Variants in TET2 observed in about 807,000 individuals in gnomAD.
TET2 encodes methylcytosine dioxygenase TET2.
Under a neutral mutation model 142.9 loss-of-function variants are expected in TET2, and 299 were observed. That is an observed-to-expected ratio of 2.09 (90% CI 1.90 to 2.30). TET2 has a LOEUF of 2.30. TET2 is among the 30% of genes most tolerant of loss of function. The probability of loss-of-function intolerance (pLI) is 0.00; values close to 1 mark genes in which losing one functional copy is unlikely to be tolerated. For missense variants in TET2, 2,418 were observed against 2,378.0 expected (o/e 1.02, Z -0.35); for synonymous variants, 819 against 849.0 (o/e 0.96, Z 0.61).
intron 1 of TET2, chr4:105,177,903 A>C (rs924789754): frequency 6.6e-6 from 1 of 152,146 alleles, no homozygotes; most frequent in Non-Finnish European, 1.5e-5. Flanking sequence ...GTGAAATCCC[A>C]TGGTGAAACC....
At chr4:105,263,608 G>T (rs1190190728) in intron 8 of TET2, among the ~76,000 whole-genome samples, 1 of 152,152 alleles carries the variant, frequency 6.6e-6, no homozygotes, top group Admixed American at 6.6e-5. Flanking sequence ...TTTTGGACAT[G>T]CTAGGCTTCT....
chr4:105,222,373 CTTG>C (rs1727889272), intron 2 of TET2, among the ~76,000 whole-genome samples: 1 of 152,218 alleles, frequency 6.6e-6, no homozygotes, highest in Non-Finnish European at 1.5e-5. Flanking sequence ...CTCTCCAGCA[CTTG>C]TTGTGTCCTC....
intron 1 of TET2, among the ~76,000 whole-genome samples, chr4:105,166,803 G>A (rs943194013): frequency 2.0e-5 from 3 of 152,000 alleles, no homozygotes. Context: ...TTGCTTATGA[G>A]ATAGATATCT....
chr4:105,224,758 G>C (rs567070735), intron 2 of TET2, among the ~76,000 whole-genome samples: 4 of 139,434 alleles, frequency 2.9e-5, no homozygotes, highest in African/African-American at 8.1e-5. Flanking sequence ...TTATTCTGGG[G>C]CATTAGCTGA....
intron 6 of TET2, among the ~76,000 whole-genome samples, chr4:105,252,754 T>A (rs1729934833): frequency 6.6e-6 from 1 of 152,178 alleles, no homozygotes; most frequent in South Asian, 2.1e-4. Context: ...CTTCCAGAAA[T>A]TTTATAGTTC....
At chr4:105,199,101 C>T (rs1179993126) in intron 2 of TET2, among the ~76,000 whole-genome samples, 1 of 152,122 alleles carries the variant, frequency 6.6e-6, no homozygotes, top group Non-Finnish European at 1.5e-5. Flanking sequence ...AGTTTGAGAG[C>T]AAGTTGAGCA....
intron 4 of TET2, chr4:105,241,689 T>C: frequency 1.6e-6 from 2 of 1,272,838 alleles, no homozygotes; most frequent in Non-Finnish European, 2.0e-6. Flanking sequence ...TGAACAGGAA[T>C]CGGCCAGCCA....
intron 6 of TET2, among the ~76,000 whole-genome samples, chr4:105,253,081 T>G (rs563915438): frequency 6.6e-6 from 1 of 152,170 alleles, no homozygotes; most frequent in Non-Finnish European, 1.5e-5. Flanking sequence ...CCTCTGACAT[T>G]GTTTTTCTCC....
At chr4:105,188,360 G>A (rs1725583356) in intron 1 of TET2, among the ~76,000 whole-genome samples, 1 of 152,182 alleles carries the variant, frequency 6.6e-6, no homozygotes, top group Non-Finnish European at 1.5e-5. Flanking sequence ...GCCAGGGGCT[G>A]GGAGGAGGAG....
At chr4:105,148,382 C>T (rs1410784731) in intron 1 of TET2, among the ~76,000 whole-genome samples, 2 of 152,040 alleles carry the variant, frequency 1.3e-5, no homozygotes, top group African/African-American at 2.4e-5. Flanking sequence ...TATATATTTA[C>T]GTGTCTAGGG....
chr4:105,261,885 CTTACTTG>C, intron 8 of TET2, 37 bp downstream of exon 8: 1 of 1,244,422 alleles, frequency 8.0e-7, no homozygotes, highest in South Asian at 1.4e-5. Context: ...ATTGTAACAA[CTTACTTG>C]TTACTAATGA....
In TET2 at chr4:105,149,443, T is replaced by A. The variant is rs1723196318; in HGVS notation, c.-193+2464T>A. 3.3e-5 allele frequency among the ~76,000 whole-genome samples: 5 copies of A among 152,240 alleles called. No individual in the cohort carries two copies. The South Asian group carries it at 1.0e-3, about 31-fold the overall frequency. ...TATAAGGAAGAGATGTGTATGTTAG[T>A]CACTTTATCCTTTGTTGGAAAAGAG... On this transcript the variant is annotated intron_variant, in intron 1 of 10. Transcript: ENST00000380013.
At chr4:105,186,874 T>C (rs1193798572) in intron 1 of TET2, among the ~76,000 whole-genome samples, 1 of 152,232 alleles carries the variant, frequency 6.6e-6, no homozygotes, top group Non-Finnish European at 1.5e-5. Flanking sequence ...TTGGAGACTT[T>C]GCAAAGCTGA....
At chr4:105,185,198 A>G (rs1044472734) in intron 1 of TET2, among the ~76,000 whole-genome samples, 2 of 151,928 alleles carry the variant, frequency 1.3e-5, no homozygotes, top group Admixed American at 6.6e-5. Context: ...TTTTTGAACG[A>G]AAACTTGTCT....
chr4:105,151,896 G>A (rs1276983309), intron 1 of TET2, among the ~76,000 whole-genome samples: 3 of 152,106 alleles, frequency 2.0e-5, no homozygotes, highest in Non-Finnish European at 2.9e-5. Flanking sequence ...CCAACATGGT[G>A]AAACCCTGTC....
chr4:105,257,333 C>T (rs1348584655), intron 6 of TET2, among the ~76,000 whole-genome samples: 1 of 152,080 alleles, frequency 6.6e-6, no homozygotes, highest in African/African-American at 2.4e-5. Context: ...CTACCCCCTG[C>T]CCAGAATATG....
At position 105,226,832 on chromosome 4, in the gene TET2, A is replaced by G. The variant is rs1728222245; in HGVS notation, c.-46-7065A>G. Among the ~76,000 whole-genome samples, 5 of 152,268 alleles carry G rather than the reference A, an allele frequency of 3.3e-5. No individual in the cohort carries two copies. In the South Asian group the frequency reaches 8.3e-4, roughly 25 times the overall value. On this transcript the variant is annotated intron_variant, in intron 2 of 10. Coordinates refer to ENST00000380013, the MANE Select transcript of TET2 (RefSeq NM_001127208.3). ...TTTCTTATAAATTACCCAGACAGCT[A>G]TTTCTTTATAGCAACTCAAAAACAG...
chr4:105,270,636 G>A (rs1054810388), intron 9 of TET2, among the ~76,000 whole-genome samples: 2 of 151,458 alleles, frequency 1.3e-5, no homozygotes, highest in Non-Finnish European at 2.9e-5. Flanking sequence ...GATCGGTCTT[G>A]TAATTGGAGG....
At chr4:105,247,826 A>G (rs1317865792) in intron 6 of TET2, among the ~76,000 whole-genome samples, 1 of 140,350 alleles carries the variant, frequency 7.1e-6, no homozygotes, top group African/African-American at 2.7e-5. Flanking sequence ...GGTTCAAGCT[A>G]TTCTCATGCC....
Sources: gnomAD v4.1 joint callset for allele counts (sites outside exome capture counted in the v4.1 genomes callset) on GRCh38, gnomAD v4.1.1 for gene constraint, MANE v1.5 for transcripts, NCBI Gene and HGNC (gene_info 2026-07-23, HGNC 2026-07-21) for gene names.